MAPK8: variants seen among roughly 807,000 people sequenced by gnomAD.
The protein encoded by MAPK8 is mitogen-activated protein kinase 8.
In MAPK8, 13 loss-of-function variants were observed where a neutral mutation model predicts 52.9. The ratio of observed to expected loss-of-function variants is 0.25; its 90% confidence interval spans 0.16 to 0.39. The LOEUF is 0.39. Ranked by LOEUF, MAPK8 falls within the 10% of genes least tolerant of loss-of-function variation. MAPK8 has a pLI of 1.00. For missense variants in MAPK8, 300 were observed against 519.2 expected (o/e 0.58, Z 4.10); for synonymous variants, 191 against 169.8 (o/e 1.12, Z -0.97).
intron 1 of MAPK8, among the ~76,000 whole-genome samples, chr10:48,361,613 A>G (rs1465118566): frequency 6.6e-6 from 1 of 152,198 alleles, no homozygotes; most frequent in Non-Finnish European, 1.5e-5. Flanking sequence ...TAAAGTTTTT[A>G]CCACTTCATA....
At chr10:48,321,882 G>C (rs1296298346) in intron 1 of MAPK8, among the ~76,000 whole-genome samples, 2 of 152,122 alleles carry the variant, frequency 1.3e-5, no homozygotes, top group East Asian at 3.9e-4. Context: ...ACGGTGTGTT[G>C]ATTACTGTAG....
At chr10:48,426,232 T>C (rs1447547843) in intron 8 of MAPK8, 148 bp from the exon 9 acceptor site, 2 of 871,100 alleles carry the variant, frequency 2.3e-6, no homozygotes, top group East Asian at 2.9e-5. Flanking sequence ...TTTTCTTTAA[T>C]CTTATATATT....
At chr10:48,355,115 T>C (rs1846743169) in intron 1 of MAPK8, among the ~76,000 whole-genome samples, 1 of 152,224 alleles carries the variant, frequency 6.6e-6, no homozygotes, top group African/African-American at 2.4e-5. Context: ...GTTGAAAATA[T>C]GTTCCAAGAT....
At chr10:48,335,317 A>T (rs928827658) in intron 1 of MAPK8, among the ~76,000 whole-genome samples, 1 of 152,156 alleles carries the variant, frequency 6.6e-6, no homozygotes, top group African/African-American at 2.4e-5. Flanking sequence ...TGTTTAATAT[A>T]TTAAATATTG....
intron 1 of MAPK8, among the ~76,000 whole-genome samples, chr10:48,342,072 C>T (rs1845337976): frequency 6.6e-6 from 1 of 152,208 alleles, no homozygotes; most frequent in South Asian, 2.1e-4. Flanking sequence ...GCCTATATCA[C>T]ACAAGACTGA....
intron 1 of MAPK8, among the ~76,000 whole-genome samples, chr10:48,375,907 C>A (rs187367021): frequency 6.6e-6 from 1 of 152,220 alleles, no homozygotes; most frequent in Admixed American, 6.5e-5. Context: ...TCATATGGAA[C>A]CAAAATAGAG....
At chr10:48,334,936 G>C (rs1315144149) in intron 1 of MAPK8, among the ~76,000 whole-genome samples, 3 of 152,140 alleles carry the variant, frequency 2.0e-5, no homozygotes, top group Admixed American at 6.5e-5. Context: ...AATCTTCCCA[G>C]ACGTTGCCTA....
chr10:48,392,973 A>G (rs1486627770), intron 1 of MAPK8, among the ~76,000 whole-genome samples: 1 of 152,012 alleles, frequency 6.6e-6, no homozygotes, highest in Admixed American at 6.6e-5. Context: ...GCTATTAGCC[A>G]TTTTGTTCTT....
intron 1 of MAPK8, among the ~76,000 whole-genome samples, chr10:48,310,228 C>T (rs1043791569): frequency 2.6e-5 from 4 of 152,164 alleles, no homozygotes; most frequent in Non-Finnish European, 4.4e-5. Context: ...AAAGTATAAA[C>T]TGAGGCTGTC....
intron 1 of MAPK8, among the ~76,000 whole-genome samples, chr10:48,389,840 G>A (rs1190201839): frequency 6.6e-6 from 1 of 152,182 alleles, no homozygotes; most frequent in Non-Finnish European, 1.5e-5. Flanking sequence ...AGTGGGTTGA[G>A]GGGAGAGAGT....
intron 1 of MAPK8, among the ~76,000 whole-genome samples, chr10:48,369,584 A>C (rs1350505134): frequency 1.3e-5 from 2 of 152,144 alleles, no homozygotes; most frequent in Non-Finnish European, 2.9e-5. Context: ...CTTTAGTGTT[A>C]AGTGATAACT....
intron 1 of MAPK8, among the ~76,000 whole-genome samples, chr10:48,394,332 A>T (rs887610614): frequency 2.0e-5 from 3 of 151,956 alleles, no homozygotes; most frequent in South Asian, 4.1e-4. Context: ...TATAAAATAG[A>T]TGGAAAAATC....
chr10:48,420,408 G>T, intron 6 of MAPK8, 88 bp downstream of exon 6: 1 of 1,229,004 alleles, frequency 8.1e-7, no homozygotes, highest in Non-Finnish European at 1.1e-6. Flanking sequence ...TTAAGCAGAA[G>T]TACGTTGAGT....
chr10:48,313,516 T>C (rs73293141), intron 1 of MAPK8, among the ~76,000 whole-genome samples: 4,233 of 149,726 alleles, frequency 0.028, 215 homozygotes, highest in African/African-American at 0.1. Flanking sequence ...ACAAGTAGGG[T>C]GAATAAAGAT....
chr10:48,380,586 T>G (rs769175895), intron 1 of MAPK8, among the ~76,000 whole-genome samples: 2 of 151,632 alleles, frequency 1.3e-5, no homozygotes, highest in Non-Finnish European at 2.9e-5. Flanking sequence ...ACAAAAAAAT[T>G]AGCCGGGCGT....
At chr10:48,397,854 G>C (rs1282400703) in intron 1 of MAPK8, among the ~76,000 whole-genome samples, 3 of 152,132 alleles carry the variant, frequency 2.0e-5, no homozygotes, top group Non-Finnish European at 4.4e-5. Context: ...GCCTCCCAAA[G>C]TGCTAGGATT....
At chr10:48,378,906 G>A (rs913271784) in intron 1 of MAPK8, among the ~76,000 whole-genome samples, 7 of 151,968 alleles carry the variant, frequency 4.6e-5, no homozygotes, top group African/African-American at 1.7e-4. Context: ...GGGCTTACAG[G>A]CACAAGCCAC....
chr10:48,376,021 G>A (rs945286337), intron 1 of MAPK8, among the ~76,000 whole-genome samples: 1 of 152,146 alleles, frequency 6.6e-6, no homozygotes, highest in Non-Finnish European at 1.5e-5. Flanking sequence ...AAACAGTATG[G>A]TACTGATACC....
At chr10:48,323,662 A>G (rs1258875537) in intron 1 of MAPK8, among the ~76,000 whole-genome samples, 1 of 152,210 alleles carries the variant, frequency 6.6e-6, no homozygotes, top group East Asian at 1.9e-4. Flanking sequence ...CTTAAATTTC[A>G]AAATTACAAA....
Sources: allele counts gnomAD v4.1 joint callset (sites outside exome capture counted in the v4.1 genomes callset), GRCh38; gene constraint gnomAD v4.1.1; transcripts MANE v1.5; gene names NCBI Gene and HGNC (gene_info 2026-07-23, HGNC 2026-07-21).